Variants in TSPAN15 observed in about 807,000 individuals in gnomAD.
TSPAN15 encodes tetraspanin-15.
TSPAN15 carries 20 observed loss-of-function variants against 34.5 expected under a neutral mutation model. The ratio of observed to expected loss-of-function variants is 0.58; its 90% CI spans 0.41 to 0.84. The LOEUF is 0.84. Ranked by LOEUF, TSPAN15 falls within the 40% of genes least tolerant of loss-of-function variation. The probability of loss-of-function intolerance (pLI) is 0.00; values close to 1 mark genes in which losing one functional copy is unlikely to be tolerated. For synonymous variants in TSPAN15, 155 were observed against 153.9 expected, an observed-to-expected ratio of 1.01 and a Z score of -0.05; for missense variants, 313 against 386.1, an observed-to-expected ratio of 0.81 and a Z score of 1.59.
At chr10:69,469,053 A>ACTGTTCAGCCC in intron 1 of TSPAN15, among the ~76,000 whole-genome samples, 5 of 134,966 alleles carry the variant, frequency 3.7e-5, no homozygotes, top group South Asian at 2.8e-4. Context: ...AGAGGGCTGG[A>ACTGTTCAGCCC]CAGAAAGGGT....
the TSPAN15 span, among the ~76,000 whole-genome samples, chr10:69,530,814 CTCTCTCTATA>C: frequency 2.2e-3 from 135 of 61,218 alleles, no homozygotes; most frequent in Non-Finnish European, 3.1e-3. Context: ...CTCTCTCTCT[CTCTCTCTATA>C]TATATATATA....
At chr10:69,456,722 A>G (rs1841118771) in intron 1 of TSPAN15, among the ~76,000 whole-genome samples, 1 of 152,198 alleles carries the variant, frequency 6.6e-6, no homozygotes, top group Non-Finnish European at 1.5e-5. Context: ...CTGAAAGACA[A>G]ACTAGCACCC....
At chr10:69,509,228 A>G (rs937836731), downstream of TSPAN15, among the ~76,000 whole-genome samples, 5 of 151,568 alleles carry the variant, frequency 3.3e-5, no homozygotes, top group African/African-American at 1.2e-4. Context: ...ACTCACAGAC[A>G]CCCCTCTACC....
At chr10:69,468,398 G>T (rs532371585) in intron 1 of TSPAN15, among the ~76,000 whole-genome samples, 1 of 152,290 alleles carries the variant, frequency 6.6e-6, no homozygotes, top group South Asian at 2.1e-4. Flanking sequence ...GATGCTTGGG[G>T]TAGGCTGGGG....
At position 69,506,064 on chromosome 10, in the gene TSPAN15, G is replaced by T; in HGVS notation, c.619-60G>T. On this transcript the variant is annotated intron_variant, in intron 6 of 7. Transcript: ENST00000373290. This position sits in a 1 kb window ranked among gnomAD's most constrained non-coding sequence, Gnocchi z 4.7. ...GACCTTGTGTACATGGCAGAGTCGGGGCTGTGGCTCCTGCCAGCCGAGGTC... is the reference window on the plus strand; with the variant it reads ...GACCTTGTGTACATGGCAGAGTCGGTGCTGTGGCTCCTGCCAGCCGAGGTC... The T allele has an allele frequency of 6.9e-7, 1 of 1,453,136 alleles. No individual in the cohort carries two copies. Among genetic ancestry groups the T allele is most frequent in the South Asian group, 1.2e-5 (1 of 84,968 alleles). The allele number at this position is 1,453,136 out of a possible 1,614,324, so 90.0% of individuals were successfully genotyped here.
chr10:69,474,352 C>T (rs1378866612), intron 1 of TSPAN15, among the ~76,000 whole-genome samples: 1 of 152,160 alleles, frequency 6.6e-6, no homozygotes, highest in East Asian at 1.9e-4. Flanking sequence ...TAGGGAAGAC[C>T]CTAGGCCAGT....
At chr10:69,522,943 AT>A in the TSPAN15 span, among the ~76,000 whole-genome samples, 2 of 147,242 alleles carry the variant, frequency 1.4e-5, no homozygotes, top group Non-Finnish European at 1.5e-5. Flanking sequence ...CAATTTATCT[AT>A]TTTTTTTGTC....
At chr10:69,530,856 A>G in the TSPAN15 span, among the ~76,000 whole-genome samples, 1 of 114,320 alleles carries the variant, frequency 8.7e-6, no homozygotes, top group Non-Finnish European at 1.8e-5. Context: ...ATATATATAT[A>G]TATGCAAACA....
At chr10:69,479,431 G>A (rs928715341) in intron 1 of TSPAN15, among the ~76,000 whole-genome samples, 4 of 152,256 alleles carry the variant, frequency 2.6e-5, no homozygotes, top group Admixed American at 6.5e-5. Context: ...AAGATGCCAC[G>A]TGGTTCACAA....
intron 1 of TSPAN15, among the ~76,000 whole-genome samples, chr10:69,461,211 T>C (rs932682953): frequency 2.0e-5 from 3 of 152,334 alleles, no homozygotes; most frequent in South Asian, 4.1e-4. Context: ...ACTAAGGCCC[T>C]GAGCGGGGAA....
the TSPAN15 span, among the ~76,000 whole-genome samples, chr10:69,518,877 G>A: frequency 2.6e-5 from 4 of 152,298 alleles, no homozygotes; most frequent in East Asian, 5.8e-4. Context: ...CCTGGGCTTA[G>A]GGGATTAGAA....
the TSPAN15 span, among the ~76,000 whole-genome samples, chr10:69,514,159 C>T: frequency 7.2e-5 from 11 of 152,260 alleles, no homozygotes; most frequent in South Asian, 2.1e-4. Context: ...TTAGAATTTG[C>T]GAATATGGTG....
chr10:69,538,862 G>A, the TSPAN15 span, among the ~76,000 whole-genome samples: 73 of 152,370 alleles, frequency 4.8e-4, no homozygotes, highest in African/African-American at 1.6e-3. Context: ...TTACCCTGCA[G>A]TAGTGTGCAG....
At chr10:69,513,710 C>T in the TSPAN15 span, among the ~76,000 whole-genome samples, 36 of 152,294 alleles carry the variant, frequency 2.4e-4, no homozygotes, top group African/African-American at 7.7e-4. Flanking sequence ...AATTATGTAA[C>T]GCTCTTACAT....
At chr10:69,469,220 G>A (rs1841455414) in intron 1 of TSPAN15, among the ~76,000 whole-genome samples, 1 of 152,168 alleles carries the variant, frequency 6.6e-6, no homozygotes, top group South Asian at 2.1e-4. Flanking sequence ...AGGGGTGAGC[G>A]TGGGCTCAGA....
At chr10:69,539,479 A>G in the TSPAN15 span, among the ~76,000 whole-genome samples, 81 of 71,198 alleles carry the variant, frequency 1.1e-3, 3 homozygotes, top group African/African-American at 3.8e-3. Context: ...GGAGAAGGAG[A>G]AGGAGAAGAA....
rs1842361459 is a variant in TSPAN15 at position 69,507,612 on chromosome 10, C to T, written c.*634C>T. The T allele has an allele frequency of 7.7e-7, 1 of 1,302,476 alleles. No homozygotes were observed. Among genetic ancestry groups the T allele is most frequent in the African/African-American group, 1.5e-5 (1 of 65,606 alleles). 80.7% of individuals were successfully genotyped at this position (1,302,476 alleles called of 1,614,324 possible). Reference sequence around the variant, plus strand: ...TTTCCCCGCATGTCTTATTCTTGCCCTTCCCCCAACCAGTTTGTTAATCAA... The same window carrying T: ...TTTCCCCGCATGTCTTATTCTTGCCTTTCCCCCAACCAGTTTGTTAATCAA... On this transcript the variant is annotated 3_prime_UTR_variant, in exon 8 of 8. Transcript: ENST00000373290.
At chr10:69,467,692 G>A (rs1841417780) in intron 1 of TSPAN15, among the ~76,000 whole-genome samples, 1 of 150,770 alleles carries the variant, frequency 6.6e-6, no homozygotes. Context: ...TTGGAAAACA[G>A]AACTTGGTTG....
the TSPAN15 span, among the ~76,000 whole-genome samples, chr10:69,530,804 CTCTCTCTCTCTCTCTCTA>C: frequency 3.1e-4 from 21 of 67,870 alleles, 1 homozygote; most frequent in South Asian, 1.2e-3. Flanking sequence ...CTCTCTCTCT[CTCTCTCTCTCTCTCTCTA>C]TATATATATA....
Sources: gnomAD v4.1 joint callset for allele counts (sites outside exome capture counted in the v4.1 genomes callset) on GRCh38, gnomAD v4.1.1 for gene constraint, Gnocchi (gnomAD v3.1) non-coding constraint, MANE v1.5 for transcripts, NCBI Gene and HGNC (gene_info 2026-07-23, HGNC 2026-07-21) for gene names.